Variants in SIPA1L2 observed in about 807,000 individuals in gnomAD.
SIPA1L2 encodes the protein signal-induced proliferation-associated 1-like protein 2.
A neutral mutation model predicts 163.9 loss-of-function variants in SIPA1L2; 56 were observed. The ratio of observed to expected loss-of-function variants is 0.34; its 90% CI spans 0.28 to 0.43. The LOEUF (loss-of-function observed/expected upper bound fraction) is 0.43, where lower values mean the gene tolerates loss of function less well. Among genes scored for constraint, SIPA1L2 ranks in the 20% least tolerant of loss-of-function variants. SIPA1L2 has a pLI of 1.00. For synonymous variants in SIPA1L2, 877 were observed against 865.7 expected (o/e 1.01, Z -0.23); for missense variants, 1,974 against 2,193.5 (o/e 0.90, Z 2.00).
chr1:232,603,996 G>A (rs1661752239), intron 1 of SIPA1L2, among the ~76,000 whole-genome samples: 1 of 152,120 alleles, frequency 6.6e-6, no homozygotes, highest in Non-Finnish European at 1.5e-5. Context: ...TCCACAATCA[G>A]ACTATGCTTT....
At chr1:232,527,078 G>A (rs1055431612) in intron 2 of SIPA1L2, among the ~76,000 whole-genome samples, 1 of 152,192 alleles carries the variant, frequency 6.6e-6, no homozygotes, top group African/African-American at 2.4e-5. Flanking sequence ...GATCTGGTGG[G>A]TGAAGAAAAA....
intron 15 of SIPA1L2, among the ~76,000 whole-genome samples, chr1:232,435,845 C>A (rs1471651672): frequency 6.6e-6 from 1 of 152,214 alleles, no homozygotes; most frequent in Non-Finnish European, 1.5e-5. Context: ...CCCTCTTCCT[C>A]ACAAGAGTGT....
intron 3 of SIPA1L2, among the ~76,000 whole-genome samples, chr1:232,508,700 T>C (rs1248203167): frequency 6.6e-6 from 1 of 152,186 alleles, no homozygotes; most frequent in Admixed American, 6.5e-5. Context: ...AACAGTAATG[T>C]GACAAACGGC....
At position 232,513,904 on chromosome 1, in the gene SIPA1L2, T is replaced by A; in HGVS notation, c.1436A>T (p.His479Leu). ...GTAATAATAGGCCCCAAGGTCAATG[T>A]GTTCTATGATGTAGCGCTTCACTTT... ...REKVKRYIIE[H>L]IDLGAYYYRK... is the part of the protein sequence containing the mutation. The change falls in exon 3 of 23, where the codon CAC becomes CTC. Residue 479 changes from histidine to leucine, a missense_variant. Coordinates refer to ENST00000674635, the MANE Select transcript of SIPA1L2 (RefSeq NM_020808.5). 6.2e-7 allele frequency: 1 copy of A among 1,606,514 alleles called. No individual in the cohort carries two copies. Among genetic ancestry groups the A allele is most frequent in the South Asian group, 1.1e-5 (1 of 89,498 alleles).
intron 6 of SIPA1L2, among the ~76,000 whole-genome samples, chr1:232,481,465 T>C (rs1033284879): frequency 3.5e-5 from 5 of 141,722 alleles, no homozygotes; most frequent in Non-Finnish European, 4.7e-5. Context: ...GAAAGATGCA[T>C]TGCGGGGGGG....
At chr1:232,479,772 C>T (rs1334769834) in intron 6 of SIPA1L2, 42 bp from the exon 7 acceptor site, 2 of 1,536,170 alleles carry the variant, frequency 1.3e-6, no homozygotes, top group Non-Finnish European at 1.8e-6. Context: ...TAAGCTGCTA[C>T]AAAATTAGTG....
At chr1:232,589,964 T>C (rs2102824920) in intron 1 of SIPA1L2, among the ~76,000 whole-genome samples, 1 of 152,276 alleles carries the variant, frequency 6.6e-6, no homozygotes, top group Admixed American at 6.5e-5. Flanking sequence ...CCTGCAGCAG[T>C]TCAGAAACCA....
intron 10 of SIPA1L2, 94 bp from the exon 11 acceptor site, chr1:232,445,880 T>TG (rs1663188467): frequency 7.2e-7 from 1 of 1,396,050 alleles, no homozygotes; most frequent in Non-Finnish European, 9.9e-7. Flanking sequence ...ACACATCACA[T>TG]GGTGTGTGCC....
chr1:232,627,798 G>C (rs1558314356), intron 1 of SIPA1L2, among the ~76,000 whole-genome samples: 2 of 152,102 alleles, frequency 1.3e-5, no homozygotes, highest in African/African-American at 4.8e-5. Flanking sequence ...TTGCTTTTCC[G>C]GATCAAGTGC....
intron 6 of SIPA1L2, among the ~76,000 whole-genome samples, chr1:232,483,541 T>C (rs929324656): frequency 6.6e-6 from 1 of 152,188 alleles, no homozygotes; most frequent in Non-Finnish European, 1.5e-5. Context: ...CATGAAACAC[T>C]GGGGAATCTC....
Position 232,563,880 on chromosome 1 carries a change from A to G in SIPA1L2, c.-270+10294T>C, listed in dbSNP as rs138517475. ...CAGGTGCCCGCCACCATGCCCAGCT[A>G]ATTTTTGTATTTTTAGTAGAGACAA... On this transcript the variant is annotated intron_variant, in intron 2 of 22. Coordinates refer to ENST00000674635, the MANE Select transcript of SIPA1L2 (RefSeq NM_020808.5). Among the ~76,000 whole-genome samples the G allele has an allele frequency of 5.0e-3, 761 of 151,226 alleles. 8 individuals are homozygous for G. The highest frequency in any genetic ancestry group is 0.017 in the African/African-American group (698 of 41,078).
In SIPA1L2 at chr1:232,627,664, G is replaced by C. The variant is rs142113120; in HGVS notation, c.-319+2205C>G. ...ATTCCATACAATTAAAGCTCTTTGA[G>C]AAAATCTATGATTTCAAAACATAAA... On this transcript the variant is annotated intron_variant, in intron 1 of 22. Coordinates refer to ENST00000674635, the MANE Select transcript of SIPA1L2 (RefSeq NM_020808.5). 8.0e-3 allele frequency among the ~76,000 whole-genome samples: 1,223 copies of C among 152,228 alleles called. 22 individuals carry two copies. Among genetic ancestry groups the C allele is most frequent in the African/African-American group, 0.027 (1,125 of 41,528 alleles).
At chr1:232,460,123 T>C (rs549180824) in intron 10 of SIPA1L2, among the ~76,000 whole-genome samples, 1 of 152,370 alleles carries the variant, frequency 6.6e-6, no homozygotes, top group South Asian at 2.1e-4. Context: ...CAGTCATGCA[T>C]TAACACAAGT....
intron 2 of SIPA1L2, among the ~76,000 whole-genome samples, chr1:232,567,476 A>C (rs2102764808): frequency 6.6e-6 from 1 of 152,302 alleles, no homozygotes; most frequent in East Asian, 1.9e-4. Flanking sequence ...GCTATAACCT[A>C]ATGGTAAGAA....
intron 15 of SIPA1L2, among the ~76,000 whole-genome samples, chr1:232,437,446 G>T (rs1662630477): frequency 6.6e-6 from 1 of 152,160 alleles, no homozygotes; most frequent in African/African-American, 2.4e-5. Context: ...TTATTAAATA[G>T]AACTGGTAAA....
intron 2 of SIPA1L2, among the ~76,000 whole-genome samples, chr1:232,532,274 A>C (rs1405655315): frequency 6.6e-6 from 1 of 152,170 alleles, no homozygotes; most frequent in Non-Finnish European, 1.5e-5. Context: ...AAAAGTCAAG[A>C]ATGACTCCAG....
At chr1:232,582,173 A>G (rs570254343) in intron 1 of SIPA1L2, among the ~76,000 whole-genome samples, 1 of 150,298 alleles carries the variant, frequency 6.7e-6, no homozygotes, top group East Asian at 2.5e-4. Flanking sequence ...TGCTTTTTCC[A>G]TAATTTTTTT....
intron 19 of SIPA1L2, among the ~76,000 whole-genome samples, chr1:232,407,905 C>A (rs1572851860): frequency 6.6e-6 from 1 of 152,322 alleles, no homozygotes; most frequent in South Asian, 2.1e-4. Context: ...GACTCCACTT[C>A]CCTTCCCCAG....
At chr1:232,458,499 T>C (rs1306925373) in intron 10 of SIPA1L2, among the ~76,000 whole-genome samples, 1 of 152,206 alleles carries the variant, frequency 6.6e-6, no homozygotes, top group Non-Finnish European at 1.5e-5. Context: ...TAAACAGATC[T>C]CTTGAAAGCT....
Sources: gnomAD v4.1 joint callset for allele counts (sites outside exome capture counted in the v4.1 genomes callset) on GRCh38, gnomAD v4.1.1 for gene constraint, MANE v1.5 for transcripts, NCBI Gene and HGNC (gene_info 2026-07-23, HGNC 2026-07-21) for gene names.